The following TNFRSF10B variants were observed in gnomAD, a reference collection of about 807,000 sequenced individuals.
TNFRSF10B encodes TNF receptor superfamily member 10b.
Under a neutral mutation model 41.4 loss-of-function variants are expected in TNFRSF10B, and 35 were observed. The observed-to-expected ratio is 0.85, with a 90% CI of 0.65 to 1.12. The LOEUF is 1.12. Among genes scored for constraint, TNFRSF10B ranks in the 50% most tolerant of loss-of-function variants. The pLI, the probability that TNFRSF10B is intolerant of heterozygous loss-of-function variation, is 0.00. For missense variants in TNFRSF10B, 584 were observed against 552.7 expected (o/e 1.06, Z -0.57); for synonymous variants, 230 against 215.5 (o/e 1.07, Z -0.59).
intron 1 of TNFRSF10B, among the ~76,000 whole-genome samples, chr8:23,046,869 CAATA>C (rs1272646589): frequency 6.6e-6 from 1 of 152,036 alleles, no homozygotes; most frequent in African/African-American, 2.4e-5. Flanking sequence ...AAAGTCTCCA[CAATA>C]AATGGTGTTA....
intron 1 of TNFRSF10B, among the ~76,000 whole-genome samples, chr8:23,067,040 G>A (rs567762551): frequency 2.7e-5 from 4 of 150,636 alleles, no homozygotes; most frequent in South Asian, 2.1e-4. Context: ...GTGCAGTGGC[G>A]CCATCTCTGC....
At chr8:23,060,486 T>C (rs1446102426) in intron 1 of TNFRSF10B, among the ~76,000 whole-genome samples, 1 of 152,222 alleles carries the variant, frequency 6.6e-6, no homozygotes, top group Non-Finnish European at 1.5e-5. Context: ...TCTATTCTAT[T>C]CCACTGATCG....
intron 7 of TNFRSF10B, among the ~76,000 whole-genome samples, chr8:23,024,583 C>T (rs922391235): frequency 1.3e-5 from 2 of 151,432 alleles, no homozygotes; most frequent in Admixed American, 6.6e-5. Context: ...TGCAATAGTG[C>T]GATCTTGGCT....
intron 2 of TNFRSF10B, among the ~76,000 whole-genome samples, chr8:23,036,181 C>G (rs1053681585): frequency 6.6e-6 from 1 of 152,200 alleles, no homozygotes; most frequent in African/African-American, 2.4e-5. Context: ...AATTACTCTA[C>G]GACCTGACTG....
intron 1 of TNFRSF10B, among the ~76,000 whole-genome samples, chr8:23,063,816 A>C (rs914397895): frequency 9.9e-5 from 15 of 152,160 alleles, no homozygotes; most frequent in African/African-American, 3.4e-4. Flanking sequence ...TCCCCGGGGA[A>C]AACTTGACAA....
intron 1 of TNFRSF10B, among the ~76,000 whole-genome samples, chr8:23,055,521 T>TAAAAAAAAAAAAAAAAAAAAAAAAAAAAA: frequency 8.3e-6 from 1 of 120,538 alleles, no homozygotes; most frequent in Non-Finnish European, 1.8e-5. Context: ...ATTAAATGCT[T>TAAAAAAAAAAAAAAAAAAAAAAAAAAAAA]AAAAAAAAAA....
intron 2 of TNFRSF10B, among the ~76,000 whole-genome samples, chr8:23,040,754 C>T (rs1375338869): frequency 2.6e-5 from 4 of 151,924 alleles, no homozygotes; most frequent in Non-Finnish European, 4.4e-5. Flanking sequence ...ACCATAATCA[C>T]CTATATGCTA....
At chr8:23,027,483 C>T (rs1434763582) in intron 6 of TNFRSF10B, 195 bp from the exon 7 acceptor site, 6 of 805,210 alleles carry the variant, frequency 7.5e-6, no homozygotes, top group Non-Finnish European at 1.2e-5. Context: ...AGGCAGACAC[C>T]CCATCCCTAG....
chr8:23,067,547 A>G (rs1813025707), intron 1 of TNFRSF10B, among the ~76,000 whole-genome samples: 1 of 152,166 alleles, frequency 6.6e-6, no homozygotes, highest in Admixed American at 6.5e-5. Context: ...CACCACCCAA[A>G]GAGAGGCAAG....
At chr8:23,036,309 T>C (rs1812028460) in intron 2 of TNFRSF10B, among the ~76,000 whole-genome samples, 1 of 152,192 alleles carries the variant, frequency 6.6e-6, no homozygotes, top group Non-Finnish European at 1.5e-5. Context: ...TGGGCTTAAA[T>C]AGGCCCTGAA....
At chr8:23,037,316 G>A (rs1812055924) in intron 2 of TNFRSF10B, among the ~76,000 whole-genome samples, 1 of 152,146 alleles carries the variant, frequency 6.6e-6, no homozygotes, top group South Asian at 2.1e-4. Flanking sequence ...GCTACTGAGT[G>A]CCCAATCTAT....
intron 5 of TNFRSF10B, 176 bp downstream of exon 5, chr8:23,028,155 C>A: frequency 1.2e-6 from 1 of 806,922 alleles, no homozygotes; most frequent in East Asian, 2.7e-5. Context: ...CTGAAGAGAC[C>A]AGGGTCCTGG....
intron 1 of TNFRSF10B, among the ~76,000 whole-genome samples, chr8:23,058,913 A>C (rs1252747136): frequency 6.6e-6 from 1 of 152,178 alleles, no homozygotes; most frequent in Non-Finnish European, 1.5e-5. Flanking sequence ...TTATCTTTTA[A>C]TCTTTTAAAA....
chr8:23,045,402 G>A (rs764969193), intron 1 of TNFRSF10B, among the ~76,000 whole-genome samples: 4 of 152,088 alleles, frequency 2.6e-5, no homozygotes, highest in Non-Finnish European at 4.4e-5. Flanking sequence ...TGGAAAATCC[G>A]AACAGACCAA....
chr8:23,030,755 G>C lies in TNFRSF10B; in HGVS notation c.364+4C>G. ...TTTAGGCATGGGGTCCATATGTTCTGTACCTGAATCACACCTGGTGCAGCG... is the reference window on the plus strand; with the variant it reads ...TTTAGGCATGGGGTCCATATGTTCTCTACCTGAATCACACCTGGTGCAGCG... On this transcript the variant is annotated splice_donor_region_variant and intron_variant, in intron 3 of 8. Coordinates refer to ENST00000276431, the MANE Select transcript of TNFRSF10B (RefSeq NM_003842.5). 1 of 1,608,418 alleles carries C rather than the reference G, an allele frequency of 6.2e-7. No individual in the cohort carries two copies. The highest frequency in any genetic ancestry group is 8.5e-7 in the Non-Finnish European group (1 of 1,176,280).
At chr8:23,033,496 A>T (rs2128812973) in intron 2 of TNFRSF10B, among the ~76,000 whole-genome samples, 1 of 144,802 alleles carries the variant, frequency 6.9e-6, no homozygotes, top group South Asian at 2.3e-4. Context: ...CTGAGGCAGG[A>T]GAATGGCGTG....
chr8:23,038,825 C>G (rs1224530653), intron 2 of TNFRSF10B, among the ~76,000 whole-genome samples: 1 of 151,994 alleles, frequency 6.6e-6, no homozygotes, highest in East Asian at 1.9e-4. Flanking sequence ...GAGCAGGGGT[C>G]TCCAACATTT....
chr8:23,040,322 T>A (rs905965854), intron 2 of TNFRSF10B, among the ~76,000 whole-genome samples: 5 of 108,192 alleles, frequency 4.6e-5, no homozygotes, highest in African/African-American at 1.5e-4. Flanking sequence ...AATAAATATA[T>A]ATACAAAATA....
At chr8:23,024,922 G>A (rs1340120081) in intron 7 of TNFRSF10B, among the ~76,000 whole-genome samples, 1 of 152,132 alleles carries the variant, frequency 6.6e-6, no homozygotes, top group African/African-American at 2.4e-5. Context: ...TGTGAAGACT[G>A]CTTGAGCCCA....
Sources: gnomAD v4.1 joint callset for allele counts (sites outside exome capture counted in the v4.1 genomes callset) on GRCh38, gnomAD v4.1.1 for gene constraint, MANE v1.5 for transcripts, NCBI Gene and HGNC (gene_info 2026-07-23, HGNC 2026-07-21) for gene names.